RABGEF1: variants seen among roughly 807,000 people sequenced by gnomAD.
RABGEF1 encodes rab5 GDP/GTP exchange factor.
RABGEF1 carries 26 observed loss-of-function variants against 57.3 expected under a neutral mutation model. That is an observed-to-expected ratio of 0.45 (90% confidence interval 0.33 to 0.63). The LOEUF (loss-of-function observed/expected upper bound fraction) is 0.63. RABGEF1 is among the 20% of genes least tolerant of loss of function. The probability of loss-of-function intolerance (pLI) is 0.02; values close to 1 mark genes in which losing one functional copy is unlikely to be tolerated. For synonymous variants in RABGEF1, 185 were observed against 210.7 expected, an observed-to-expected ratio of 0.88 and a Z score of 1.06; for missense variants, 464 against 607.6, an observed-to-expected ratio of 0.76 and a Z score of 2.48.
chr7:66,767,216 TG>T (rs1805971744), intron 1 of RABGEF1, among the ~76,000 whole-genome samples: 1 of 151,944 alleles, frequency 6.6e-6, no homozygotes, highest in South Asian at 2.1e-4. Flanking sequence ...TTGGCCAGGC[TG>T]GTCTCAAACT....
the RABGEF1 span, among the ~76,000 whole-genome samples, chr7:66,661,606 T>C: frequency 1.1e-4 from 16 of 152,172 alleles, no homozygotes; most frequent in East Asian, 1.9e-3. Flanking sequence ...CTATAACTAG[T>C]AAGAACATTA....
At chr7:66,706,068 A>G (rs1004801716) in intron 1 of RABGEF1, among the ~76,000 whole-genome samples, 1 of 149,430 alleles carries the variant, frequency 6.7e-6, no homozygotes, top group African/African-American at 2.5e-5. Flanking sequence ...GCGCCCGGCT[A>G]ATTTTTTGTA....
chr7:66,699,603 A>G (rs147171371), intron 1 of RABGEF1, among the ~76,000 whole-genome samples: 1 of 151,450 alleles, frequency 6.6e-6, no homozygotes, highest in East Asian at 2.0e-4. Context: ...GAGGCAGAAG[A>G]ATCACTTGAA....
At chr7:66,717,826 C>T (rs1795580089) in intron 2 of RABGEF1, among the ~76,000 whole-genome samples, 1 of 152,118 alleles carries the variant, frequency 6.6e-6, no homozygotes, top group South Asian at 2.1e-4. Context: ...TCCCAAAGTG[C>T]TGGGATTACA....
At chr7:66,675,941 G>C in the RABGEF1 span, among the ~76,000 whole-genome samples, 1 of 152,122 alleles carries the variant, frequency 6.6e-6, no homozygotes, top group African/African-American at 2.4e-5. Context: ...CAAATAAATG[G>C]AAAGACATGT....
the RABGEF1 span, among the ~76,000 whole-genome samples, chr7:66,675,352 C>T: frequency 6.6e-6 from 1 of 151,556 alleles, no homozygotes; most frequent in Middle Eastern, 3.5e-3. Flanking sequence ...ATCGCTTGAA[C>T]CTGGGAGGCG....
chr7:66,658,590 G>T, the RABGEF1 span, among the ~76,000 whole-genome samples: 1 of 148,998 alleles, frequency 6.7e-6, no homozygotes, highest in African/African-American at 2.5e-5. Flanking sequence ...CTAGTAAGAA[G>T]ATTAAATTAC....
chr7:66,782,584 CT>C (rs1810211492), intron 3 of RABGEF1, among the ~76,000 whole-genome samples: 1 of 151,596 alleles, frequency 6.6e-6, no homozygotes, highest in African/African-American at 2.4e-5. Context: ...GATCCTCCTG[CT>C]TTAACCCCCA....
chr7:66,720,407 A>G (rs926052738), intron 2 of RABGEF1, among the ~76,000 whole-genome samples: 4 of 151,742 alleles, frequency 2.6e-5, no homozygotes, highest in African/African-American at 9.7e-5. Context: ...CATGTTGGCC[A>G]GGCTGGTCTC....
chr7:66,723,388 T>TTA (rs1796258261), intron 2 of RABGEF1, among the ~76,000 whole-genome samples: 1 of 152,214 alleles, frequency 6.6e-6, no homozygotes, highest in Admixed American at 6.5e-5. Context: ...ATGTGAATCT[T>TTA]TAACTTTTCA....
chr7:66,704,740 G>A (rs1793755189), intron 1 of RABGEF1, among the ~76,000 whole-genome samples: 1 of 151,960 alleles, frequency 6.6e-6, no homozygotes, highest in Non-Finnish European at 1.5e-5. Context: ...GAACCCAGGA[G>A]GCGGAGTTTG....
chr7:66,725,286 A>G (rs1224709111), intron 2 of RABGEF1, among the ~76,000 whole-genome samples: 1 of 152,142 alleles, frequency 6.6e-6, no homozygotes, highest in Admixed American at 6.6e-5. Flanking sequence ...TACATCCATC[A>G]TCATAATCAA....
At position 66,772,738 on chromosome 7, in the gene RABGEF1, C is replaced by T. The variant is rs185338009; in HGVS notation, c.179+660C>T. On this transcript the variant is annotated intron_variant, in intron 2 of 8. Coordinates refer to ENST00000284957, the MANE Select transcript of RABGEF1 (RefSeq NM_014504.3). ...AGCCTGACCAACATGGTGAAACCCC[C>T]TCTCTACTAAAAATATTAAAAAAGT... 2.0e-4 allele frequency among the ~76,000 whole-genome samples: 31 copies of T among 151,868 alleles called. No homozygotes were observed. The East Asian group carries it at 5.4e-3, about 27-fold the overall frequency.
At chr7:66,656,967 T>G in the RABGEF1 span, among the ~76,000 whole-genome samples, 1 of 151,952 alleles carries the variant, frequency 6.6e-6, no homozygotes. Context: ...ATATAATAAT[T>G]TAAAACATAT....
chr7:66,755,121 G>C (rs990784008), intron 1 of RABGEF1, among the ~76,000 whole-genome samples: 3 of 151,932 alleles, frequency 2.0e-5, no homozygotes, highest in Admixed American at 2.0e-4. Flanking sequence ...AGTAAAACCT[G>C]GTCTCTACTA....
At chr7:66,766,632 G>T (rs935309459) in intron 1 of RABGEF1, among the ~76,000 whole-genome samples, 1 of 152,046 alleles carries the variant, frequency 6.6e-6, no homozygotes, top group African/African-American at 2.4e-5. Flanking sequence ...TCTCTGTCAA[G>T]TCTCATTAAA....
At chr7:66,672,367 G>A in the RABGEF1 span, among the ~76,000 whole-genome samples, 2 of 152,124 alleles carry the variant, frequency 1.3e-5, no homozygotes, top group Admixed American at 1.3e-4. Flanking sequence ...GGGAGGCGGA[G>A]CTTGCAGTGA....
intron 1 of RABGEF1, among the ~76,000 whole-genome samples, chr7:66,692,712 C>T (rs1397072270): frequency 6.6e-6 from 1 of 151,670 alleles, no homozygotes; most frequent in Non-Finnish European, 1.5e-5. Context: ...TCCCACCCAC[C>T]CCTCTCTGCA....
intron 2 of RABGEF1, 86 bp from the exon 3 acceptor site, chr7:66,775,141 C>G: frequency 2.9e-6 from 4 of 1,401,092 alleles, no homozygotes; most frequent in Non-Finnish European, 3.8e-6. Flanking sequence ...TCTTTAGATC[C>G]TCCTGAATTA....
Sources: allele counts gnomAD v4.1 joint callset (sites outside exome capture counted in the v4.1 genomes callset), GRCh38; gene constraint gnomAD v4.1.1; transcripts MANE v1.5; gene names NCBI Gene and HGNC (gene_info 2026-07-23, HGNC 2026-07-21).